The following CROCC variants were observed in gnomAD, a reference collection of about 807,000 sequenced individuals.
CROCC encodes the protein rootletin.
A neutral mutation model predicts 245.2 loss-of-function variants in CROCC; 180 were observed. The ratio of observed to expected loss-of-function variants is 0.73; its 90% CI spans 0.65 to 0.83. The LOEUF is 0.83. Among genes scored for constraint, CROCC ranks in the 40% least tolerant of loss-of-function variants. The pLI, the probability that CROCC is intolerant of heterozygous loss-of-function variation, is 0.00. For missense variants in CROCC, 2,688 were observed against 2,779.4 expected, an observed-to-expected ratio of 0.97 and a Z score of 0.74; for synonymous variants, 1,205 against 1,241.6, an observed-to-expected ratio of 0.97 and a Z score of 0.62.
chr1:16,937,506 CTG>C, intron 9 of CROCC, 133 bp from the exon 10 acceptor site: 4 of 719,912 alleles, frequency 5.6e-6, no homozygotes, highest in African/African-American at 1.7e-5. Flanking sequence ...CGGGACTTGT[CTG>C]AGGTCACACA....
chr1:16,938,854 A>C, intron 11 of CROCC, 55 bp from the exon 12 acceptor site: 2 of 1,540,324 alleles, frequency 1.3e-6, no homozygotes, highest in Non-Finnish European at 1.8e-6. Context: ...TTGCCCAGCT[A>C]ACCCCGCGGT....
At position 16,938,992 on chromosome 1, in the gene CROCC, G is replaced by A. The variant is rs752709101; in HGVS notation, c.1458G>A (p.Gly486=). 3.7e-6 allele frequency: 6 copies of A among 1,604,566 alleles called. No individual in the cohort carries two copies. In the East Asian group the frequency reaches 9.0e-5, roughly 24 times the overall value. The change falls in exon 12 of 37, where the codon GGG becomes GGA. Residue 486 remains glycine (G), a synonymous_variant. Coordinates refer to ENST00000375541, the MANE Select transcript of CROCC (RefSeq NM_014675.5). ...TADASNGSLR[G]LSGQRTPSPP... is the part of the protein sequence containing the mutation. ...ATGCTTCCAACGGCAGCCTGCGGGG[G>A]CTCTCGGGCCAGCGGACCCCGTCCC... is the stretch of plus-strand genomic sequence containing the variant.
At chr1:16,963,832 A>C (rs903978831) in intron 27 of CROCC, among the ~76,000 whole-genome samples, 1 of 150,902 alleles carries the variant, frequency 6.6e-6, no homozygotes, top group African/African-American at 2.4e-5. Flanking sequence ...GTCTCGCTCT[A>C]TTGCCTATGC....
intron 1 of CROCC, among the ~76,000 whole-genome samples, chr1:16,914,105 C>T (rs2075279368): frequency 6.6e-6 from 1 of 151,518 alleles, no homozygotes; most frequent in South Asian, 2.1e-4. Flanking sequence ...CGCTCGGCCT[C>T]GGCAGCAGCG....
At position 16,961,031 on chromosome 1, in the gene CROCC, C is replaced by T. The variant is rs984170785; in HGVS notation, c.4306C>T (p.Leu1436=). The T allele has an allele frequency of 6.9e-6, 9 of 1,307,750 alleles. No homozygotes were observed. The East Asian group carries it at 1.3e-4, about 18-fold the overall frequency. 81.0% of individuals were successfully genotyped at this position (1,307,750 alleles called of 1,614,324 possible). The change falls in exon 27 of 37, where the codon CTG becomes TTG. Residue 1436 remains leucine (L), a synonymous_variant. Coordinates refer to ENST00000375541, the MANE Select transcript of CROCC (RefSeq NM_014675.5). ...CGCGGCGGAGGCCCAGCTGGGTGGC[C>T]TGCGCTCGGCTCTGCGCCGGGGCCT... The part of the protein sequence containing the change: ...RRAAEAQLGG[L]RSALRRGLGL...
At chr1:16,946,157 A>AC in intron 15 of CROCC, 102 bp from the exon 16 acceptor site, 1 of 1,322,896 alleles carries the variant, frequency 7.6e-7, no homozygotes, top group South Asian at 1.5e-5. Context: ...TGTCTCCCCT[A>AC]CCCTGTCTCT....
At position 16,930,359 on chromosome 1, in the gene CROCC, G is replaced by A. The variant is rs778444744; in HGVS notation, c.683+12G>A. 1.2e-5 allele frequency: 19 copies of A among 1,610,818 alleles called. No homozygotes were observed. The highest frequency in any genetic ancestry group is 1.4e-5 in the Non-Finnish European group (16 of 1,179,590). On this transcript the variant is annotated intron_variant, in intron 6 of 36. Coordinates refer to ENST00000375541, the MANE Select transcript of CROCC (RefSeq NM_014675.5). ...GAGGAGCAGCAGAGGTGAGGGCGCA[G>A]CAGGGAGGGCCAGGGCTGGCAGGAT...
chr1:16,919,098 T>C (rs1232038444), upstream of CROCC, among the ~76,000 whole-genome samples: 2 of 152,294 alleles, frequency 1.3e-5, no homozygotes, highest in Non-Finnish European at 2.9e-5. Flanking sequence ...AACATTTATC[T>C]TTTCAGACCT....
At chr1:16,943,058 C>T (rs1397865846) in intron 13 of CROCC, among the ~76,000 whole-genome samples, 41 of 152,188 alleles carry the variant, frequency 2.7e-4, no homozygotes, top group Admixed American at 2.7e-3. Flanking sequence ...GCCTGACCAA[C>T]ATGGAGAAAC....
intron 26 of CROCC, 109 bp from the exon 27 acceptor site, chr1:16,960,649 G>GT: frequency 7.6e-7 from 1 of 1,320,766 alleles, no homozygotes; most frequent in Non-Finnish European, 9.7e-7. Context: ...AGGAGAAAGG[G>GT]TTGTACTGAC....
chr1:16,928,814 T>TAAATA (rs1354478516), intron 3 of CROCC, among the ~76,000 whole-genome samples: 1 of 151,474 alleles, frequency 6.6e-6, no homozygotes, highest in Non-Finnish European at 1.5e-5. Context: ...AAAAAATAAA[T>TAAATA]AAATAAAATA....
At position 16,954,392 on chromosome 1, in the gene CROCC, T is replaced by C. The variant is rs1471321531; in HGVS notation, c.3321+35T>C. ...GCTGGGCAGCTGGGCCTCTGTCTCATAGAGAGGCACATCCCTGGCTGAGGA... is the reference window on the plus strand; with the variant it reads ...GCTGGGCAGCTGGGCCTCTGTCTCACAGAGAGGCACATCCCTGGCTGAGGA... On this transcript the variant is annotated intron_variant, in intron 22 of 36. Transcript: ENST00000375541. This position sits in a 1 kb window ranked among gnomAD's most constrained non-coding sequence, Gnocchi z 4.4. The C allele has an allele frequency of 1.3e-6, 2 of 1,591,818 alleles. No individual in the cohort carries two copies. The highest frequency in any genetic ancestry group is 1.7e-5 in the Admixed American group (1 of 58,604).
chr1:16,922,131 A>C (rs1387770487), intron 1 of CROCC, 53 bp downstream of exon 1: 5 of 1,462,766 alleles, frequency 3.4e-6, no homozygotes, highest in Middle Eastern at 1.7e-4. Flanking sequence ...GCGTGGACTT[A>C]ACAGGAGTGG....
At chr1:16,926,686 G>A (rs2100339516) in intron 3 of CROCC, among the ~76,000 whole-genome samples, 1 of 152,386 alleles carries the variant, frequency 6.6e-6, no homozygotes, top group South Asian at 2.1e-4. Context: ...TGCTGTCCCT[G>A]AGAAGCAGAT....
chr1:16,943,583 C>T (rs1570647509), intron 13 of CROCC, among the ~76,000 whole-genome samples: 1 of 152,200 alleles, frequency 6.6e-6, no homozygotes, highest in Non-Finnish European at 1.5e-5. Flanking sequence ...TTTTTTCGCA[C>T]CTATGGCCAG....
At chr1:16,927,078 T>C (rs1318092331) in intron 3 of CROCC, among the ~76,000 whole-genome samples, 2 of 152,200 alleles carry the variant, frequency 1.3e-5, no homozygotes, top group Non-Finnish European at 2.9e-5. Context: ...ATGCAGTGTG[T>C]ACACGACATG....
At chr1:16,957,369 C>T (rs916371198) in intron 25 of CROCC, among the ~76,000 whole-genome samples, 5 of 152,010 alleles carry the variant, frequency 3.3e-5, no homozygotes, top group African/African-American at 9.7e-5. Flanking sequence ...ATCGCATCAC[C>T]GCACTCCAGC....
intron 9 of CROCC, among the ~76,000 whole-genome samples, chr1:16,937,213 C>T (rs1252916321): frequency 1.9e-4 from 29 of 152,318 alleles, no homozygotes; most frequent in Middle Eastern, 6.8e-3. Context: ...ATTAGCTGGG[C>T]GTGGTGGCGC....
chr1:16,969,273 C>T lies in CROCC; in HGVS notation c.5234C>T (p.Thr1745Ile), dbSNP rs1477678654. The T allele has an allele frequency of 6.2e-7, 1 of 1,613,308 alleles. No homozygotes were observed. Among genetic ancestry groups the T allele is most frequent in the Non-Finnish European group, 8.5e-7 (1 of 1,179,904 alleles). ...CAGAGCAGTGCCAGCCTCAACAGCA[C>T]CCGGGACAAGAACCTGCATCTGCAG... ...LAQSSASLNS[T>I]RDKNLHLQKA... The change falls in exon 32 of 37, where the codon ACC becomes ATC. Residue 1745 changes from threonine to isoleucine, a missense_variant. Physicochemically the swap from Thr to Ile is moderately conservative, Grantham distance 89. This residue lies in a region of CROCC where 1,218 missense variants were observed against 1,286.3 expected (regional missense o/e 0.95). Transcript: ENST00000375541.
Sources: allele counts gnomAD v4.1 joint callset (sites outside exome capture counted in the v4.1 genomes callset), GRCh38; gene constraint gnomAD v4.1.1; regional missense constraint gnomAD v4.1.1; non-coding constraint Gnocchi (gnomAD v3.1); transcripts MANE v1.5; gene names NCBI Gene and HGNC (gene_info 2026-07-23, HGNC 2026-07-21).